The following SPINK1 variants were observed in gnomAD, a reference collection of about 807,000 sequenced individuals.
SPINK1 encodes serine protease inhibitor Kazal-type 1.
SPINK1 carries 5 observed loss-of-function variants against 9.5 expected under a neutral mutation model. The observed-to-expected ratio is 0.52, with a 90% CI of 0.27 to 1.10. The LOEUF (loss-of-function observed/expected upper bound fraction) is 1.10. SPINK1 is among the 50% of genes least tolerant of loss of function. The pLI is 0.11. For missense variants in SPINK1, 88 were observed against 92.7 expected (o/e 0.95, Z 0.21); for synonymous variants, 37 against 32.3 (o/e 1.14, Z -0.49).
upstream of SPINK1, among the ~76,000 whole-genome samples, chr5:147,832,460 T>G (rs937972023): frequency 6.6e-6 from 1 of 152,200 alleles, no homozygotes; most frequent in African/African-American, 2.4e-5. Context: ...CAAACGACCT[T>G]AGAAAATACG....
intron 3 of SPINK1, among the ~76,000 whole-genome samples, chr5:147,826,106 G>A (rs1054160630): frequency 1.3e-5 from 2 of 152,084 alleles, no homozygotes; most frequent in Non-Finnish European, 1.5e-5. Context: ...AGAATTTGCC[G>A]GTACAGATTC....
chr5:147,836,296 T>TTGTGTGTG (rs58122057), upstream of SPINK1, among the ~76,000 whole-genome samples: 426 of 146,538 alleles, frequency 2.9e-3, 3 homozygotes, highest in East Asian at 0.02. Context: ...ATTTACTGAT[T>TTGTGTGTG]TGTGTGTGTG....
intron 2 of SPINK1, among the ~76,000 whole-genome samples, chr5:147,829,041 G>GGTCTA (rs1257069403): frequency 6.6e-6 from 1 of 151,778 alleles, no homozygotes; most frequent in Non-Finnish European, 1.5e-5. Context: ...ATGAACTTTT[G>GGTCTA]GTCTATCAGC....
chr5:147,836,668 G>A (rs1756601952), upstream of SPINK1, among the ~76,000 whole-genome samples: 1 of 152,010 alleles, frequency 6.6e-6, no homozygotes, highest in Non-Finnish European at 1.5e-5. Flanking sequence ...CACACACTAG[G>A]CAACAAAATA....
chr5:147,836,539 T>A (rs948178529), upstream of SPINK1, among the ~76,000 whole-genome samples: 5 of 151,576 alleles, frequency 3.3e-5, no homozygotes, highest in South Asian at 4.2e-4. Context: ...TCATGACCTT[T>A]TATCTACACA....
chr5:147,833,141 A>T (rs144975497), upstream of SPINK1, among the ~76,000 whole-genome samples: 1 of 152,164 alleles, frequency 6.6e-6, no homozygotes, highest in East Asian at 1.9e-4. Context: ...AAGGATGTGC[A>T]TTCCAGACAG....
At chr5:147,835,349 C>T (rs1756578985), upstream of SPINK1, among the ~76,000 whole-genome samples, 1 of 152,086 alleles carries the variant, frequency 6.6e-6, no homozygotes, top group South Asian at 2.1e-4. Context: ...CACCCTCCTT[C>T]CATGAATTAG....
intron 3 of SPINK1, among the ~76,000 whole-genome samples, chr5:147,825,994 A>C (rs1313929562): frequency 6.6e-6 from 1 of 152,212 alleles, no homozygotes; most frequent in East Asian, 1.9e-4. Flanking sequence ...TAGCCACATT[A>C]AGGCTACTGT....
At chr5:147,828,562 A>G (rs1756453634) in intron 2 of SPINK1, among the ~76,000 whole-genome samples, 1 of 152,172 alleles carries the variant, frequency 6.6e-6, no homozygotes, top group Non-Finnish European at 1.5e-5. Context: ...TCTATTAGGC[A>G]CTTAAAGGCA....
In SPINK1 at chr5:147,828,513, C is replaced by T. The variant is rs898897411; in HGVS notation, c.88-385G>A. Among the ~76,000 whole-genome samples, 4 of 152,078 alleles carry T rather than the reference C, an allele frequency of 2.6e-5. No individual in the cohort carries two copies. The South Asian group carries it at 6.2e-4, about 24-fold the overall frequency. On this transcript the variant is annotated intron_variant, in intron 2 of 3. Coordinates refer to ENST00000296695, the MANE Select transcript of SPINK1 (RefSeq NM_001379610.1). ...CTCAGGTTGGCCACATCTTGGGGCA[C>T]GTTCTTCCTTGTACACTGTAGTCCA...
chr5:147,826,922 T>C (rs571273884), intron 3 of SPINK1, among the ~76,000 whole-genome samples: 2 of 152,124 alleles, frequency 1.3e-5, no homozygotes, highest in Non-Finnish European at 2.9e-5. Context: ...TGAGCCTGAG[T>C]CAAAGTCTTT....
At chr5:147,826,435 T>C (rs1001322259) in intron 3 of SPINK1, among the ~76,000 whole-genome samples, 14 of 152,218 alleles carry the variant, frequency 9.2e-5, no homozygotes, top group Non-Finnish European at 2.9e-5. Context: ...CATATTTACA[T>C]AGTTTTGAAC....
intron 2 of SPINK1, among the ~76,000 whole-genome samples, 194 bp from the exon 3 acceptor site, chr5:147,828,322 C>T (rs954595238): frequency 1.3e-5 from 2 of 152,192 alleles, no homozygotes; most frequent in Non-Finnish European, 2.9e-5. Flanking sequence ...TATTTCTAAG[C>T]TGTGTGACAT....
chr5:147,827,383 T>C (rs952818714), intron 3 of SPINK1: 1 of 152,450 alleles, frequency 6.6e-6, no homozygotes, highest in Non-Finnish European at 1.5e-5. Flanking sequence ...ATAAAAAATA[T>C]GTATCTCTGC....
chr5:147,833,726 C>T (rs73261308), upstream of SPINK1, among the ~76,000 whole-genome samples: 1,370 of 152,272 alleles, frequency 9.0e-3, 23 homozygotes, highest in African/African-American at 0.032. Flanking sequence ...CTTAAAGCTG[C>T]TGCCCATAGA....
chr5:147,835,399 T>A (rs113186532), upstream of SPINK1, among the ~76,000 whole-genome samples: 75 of 152,248 alleles, frequency 4.9e-4, 1 homozygote, highest in African/African-American at 1.7e-3. Context: ...CAATCAATTC[T>A]TGACAGAATA....
chr5:147,833,628 A>T (rs1756546751), upstream of SPINK1, among the ~76,000 whole-genome samples: 1 of 152,152 alleles, frequency 6.6e-6, no homozygotes, highest in East Asian at 1.9e-4. Flanking sequence ...ATTAGCTTCC[A>T]CTGTCATATC....
At chr5:147,837,504 A>G in the SPINK1 span, among the ~76,000 whole-genome samples, 1 of 152,100 alleles carries the variant, frequency 6.6e-6, no homozygotes. Context: ...GCCTGTGCCT[A>G]CTTCTACTAT....
intron 1 of SPINK1, among the ~76,000 whole-genome samples, chr5:147,830,148 C>T (rs555588235): frequency 6.6e-6 from 1 of 152,164 alleles, no homozygotes; most frequent in Admixed American, 6.5e-5. Context: ...ATTTAAATTC[C>T]CTTTTGTAAG....
Sources: allele counts gnomAD v4.1 joint callset (sites outside exome capture counted in the v4.1 genomes callset), GRCh38; gene constraint gnomAD v4.1.1; transcripts MANE v1.5; gene names NCBI Gene and HGNC (gene_info 2026-07-23, HGNC 2026-07-21).